ACTR3C: variants seen among roughly 807,000 people sequenced by gnomAD.
The protein encoded by ACTR3C is actin related protein 3C.
Under a neutral mutation model 26.3 loss-of-function variants are expected in ACTR3C, and 18 were observed. The observed-to-expected ratio is 0.68, with a 90% CI of 0.47 to 1.01. ACTR3C has a LOEUF of 1.01. Among genes scored for constraint, ACTR3C ranks in the 50% least tolerant of loss-of-function variants. ACTR3C has a pLI of 0.00. For missense variants in ACTR3C, 184 were observed against 250.7 expected (o/e 0.73, Z 1.80); for synonymous variants, 55 against 94.5 (o/e 0.58, Z 2.42).
At chr7:150,016,747 C>G in the ACTR3C span, among the ~76,000 whole-genome samples, 1 of 152,022 alleles carries the variant, frequency 6.6e-6, no homozygotes. Flanking sequence ...GGCTTATATA[C>G]CATAGGGAAA....
the ACTR3C span, among the ~76,000 whole-genome samples, chr7:150,207,796 A>G: frequency 6.6e-6 from 1 of 152,048 alleles, no homozygotes; most frequent in African/African-American, 2.4e-5. Flanking sequence ...TTCATGTCAG[A>G]TATGCAGAGT....
At chr7:149,985,533 G>C in the ACTR3C span, among the ~76,000 whole-genome samples, 10,610 of 152,146 alleles carry the variant, frequency 0.07, 1,195 homozygotes, top group African/African-American at 0.24. Context: ...TACAGATGAG[G>C]ATACCAAGGC....
At chr7:149,903,779 A>G in the ACTR3C span, among the ~76,000 whole-genome samples, 1 of 148,902 alleles carries the variant, frequency 6.7e-6, no homozygotes, top group South Asian at 2.2e-4. Flanking sequence ...CCTGGGCTCA[A>G]GCAATCCTCC....
chr7:150,042,770 T>C, the ACTR3C span, among the ~76,000 whole-genome samples: 1 of 151,558 alleles, frequency 6.6e-6, no homozygotes, highest in Non-Finnish European at 1.5e-5. Context: ...GAAACCTGTC[T>C]AGTTGTTTAG....
chr7:150,091,843 C>T, the ACTR3C span, among the ~76,000 whole-genome samples: 1 of 150,932 alleles, frequency 6.6e-6, no homozygotes, highest in Non-Finnish European at 1.5e-5. Context: ...AAAAAATTAG[C>T]CGGGCGTGGT....
chr7:150,028,427 C>T, the ACTR3C span, among the ~76,000 whole-genome samples: 1 of 152,288 alleles, frequency 6.6e-6, no homozygotes, highest in East Asian at 1.9e-4. Flanking sequence ...TGTAATTTGA[C>T]AATTCTCATA....
At chr7:149,904,400 T>C in the ACTR3C span, among the ~76,000 whole-genome samples, 2 of 150,552 alleles carry the variant, frequency 1.3e-5, no homozygotes, top group Non-Finnish European at 3.0e-5. Flanking sequence ...CATGGTGGCG[T>C]GCACCTGTAG....
intron 6 of ACTR3C, chr7:150,264,644 G>C (rs958002773): frequency 1.0e-6 from 1 of 963,288 alleles, no homozygotes; most frequent in South Asian, 4.8e-5. Flanking sequence ...GAAAACAAAA[G>C]TCCCTAAACC....
the ACTR3C span, among the ~76,000 whole-genome samples, chr7:150,123,797 G>T: frequency 6.6e-6 from 1 of 152,220 alleles, no homozygotes; most frequent in Non-Finnish European, 1.5e-5. Flanking sequence ...GAAGAAGTAT[G>T]CAGAATGAAA....
chr7:150,036,735 C>G, the ACTR3C span, among the ~76,000 whole-genome samples: 1 of 138,038 alleles, frequency 7.2e-6, no homozygotes, highest in Non-Finnish European at 1.7e-5. Flanking sequence ...TCGGACCCGT[C>G]GGATCGTAAA....
chr7:150,022,466 C>T, the ACTR3C span, among the ~76,000 whole-genome samples: 1 of 151,650 alleles, frequency 6.6e-6, no homozygotes, highest in Non-Finnish European at 1.5e-5. Context: ...TAGTGACTTG[C>T]TTATGAAAGG....
chr7:150,125,057 G>T, the ACTR3C span, among the ~76,000 whole-genome samples: 3 of 152,038 alleles, frequency 2.0e-5, no homozygotes, highest in African/African-American at 7.2e-5. Flanking sequence ...TATTGCTTTT[G>T]TCATATTTTC....
the ACTR3C span, among the ~76,000 whole-genome samples, chr7:149,883,232 G>A: frequency 1.3e-5 from 2 of 152,192 alleles, no homozygotes; most frequent in Non-Finnish European, 2.9e-5. Flanking sequence ...TGGGCTGCCA[G>A]AAGCCATGCT....
chr7:150,047,553 C>A, the ACTR3C span: 3 of 920,914 alleles, frequency 3.3e-6, no homozygotes, highest in Admixed American at 5.9e-5. Context: ...ACGCGTCTCG[C>A]TGCGCGCTCA....
At chr7:150,289,637 T>C (rs765744943) in intron 3 of ACTR3C, 44 bp from the exon 4 acceptor site, 4 of 1,569,880 alleles carry the variant, frequency 2.5e-6, no homozygotes, top group East Asian at 2.3e-5. Context: ...AGTGATTTCG[T>C]GGTGGAGAGC....
chr7:149,929,989 T>A, the ACTR3C span, among the ~76,000 whole-genome samples: 2,044 of 152,312 alleles, frequency 0.013, 49 homozygotes, highest in African/African-American at 0.045. Context: ...TCAACAGGAC[T>A]TCTGTGGTAG....
chr7:150,041,156 A>G, the ACTR3C span, among the ~76,000 whole-genome samples: 1 of 150,410 alleles, frequency 6.6e-6, no homozygotes, highest in African/African-American at 2.5e-5. Context: ...CTTGTAACTC[A>G]TGAAAAACTT....
the ACTR3C span, among the ~76,000 whole-genome samples, chr7:150,041,807 C>G: frequency 3.5e-5 from 4 of 113,774 alleles, no homozygotes; most frequent in African/African-American, 1.0e-4. Context: ...GCCTCCCCCC[C>G]TGCGATGGGG....
chr7:150,256,556 G>A (rs1584847546), intron 6 of ACTR3C, among the ~76,000 whole-genome samples: 1 of 152,358 alleles, frequency 6.6e-6, no homozygotes, highest in East Asian at 1.9e-4. Flanking sequence ...GTGAAACCCT[G>A]AGTACGTGTG....
Sources: allele counts gnomAD v4.1 joint callset (sites outside exome capture counted in the v4.1 genomes callset), GRCh38; gene constraint gnomAD v4.1.1; transcripts MANE v1.5; gene names NCBI Gene and HGNC (gene_info 2026-07-23, HGNC 2026-07-21).